Variants in PYCR3 observed in about 807,000 individuals in gnomAD.
PYCR3 encodes the protein pyrroline-5-carboxylate reductase 3.
A neutral mutation model predicts 23.4 loss-of-function variants in PYCR3; 26 were observed. That is an observed-to-expected ratio of 1.11 (90% CI 0.81 to 1.54). PYCR3 has a LOEUF of 1.54. Ranked by LOEUF, PYCR3 falls within the 40% of genes most tolerant of loss-of-function variation. PYCR3 has a pLI of 0.00. For missense variants in PYCR3, 360 were observed against 376.3 expected (o/e 0.96, Z 0.36); for synonymous variants, 194 against 162.6 (o/e 1.19, Z -1.47).
At chr8:143,606,400 C>CA in intron 4 of PYCR3, 67 bp downstream of exon 4, 1 of 1,541,568 alleles carries the variant, frequency 6.5e-7, no homozygotes, top group Non-Finnish European at 8.9e-7. Context: ...CAGAGGCTGT[C>CA]AGAGGGACTG....
chr8:143,607,158 C>A (rs759827040), intron 2 of PYCR3, 26 bp from the exon 3 acceptor site: 35 of 1,515,378 alleles, frequency 2.3e-5, no homozygotes, highest in Non-Finnish European at 3.0e-5. Context: ...CAGGACCAAG[C>A]CTCAGGGGCC....
intron 3 of PYCR3, 63 bp from the exon 4 acceptor site, chr8:143,606,742 G>A (rs575598693): frequency 4.7e-6 from 7 of 1,496,430 alleles, no homozygotes; most frequent in South Asian, 1.2e-5. Flanking sequence ...GCAGGCCCCA[G>A]CAGGGGCCTC....
Position 143,605,731 on chromosome 8 carries a change from G to A in PYCR3, c.794C>T (p.Thr265Ile), listed in dbSNP as rs35552090. The change falls in exon 6 of 6, where the codon ACC becomes ATC. Residue 265 changes from threonine to isoleucine, a missense_variant. By Grantham distance (89) the Thr-to-Ile change is moderately conservative. Coordinates refer to ENST00000495276, the MANE Select transcript of PYCR3 (RefSeq NM_023078.6). Reference sequence around the variant, plus strand: ...TCTGCTGAGCTCCTTGGCCCGGCAGGTGGCAGCCTCCACGGCGCTCATGGT... The same window carrying A: ...TCTGCTGAGCTCCTTGGCCCGGCAGATGGCAGCCTCCACGGCGCTCATGGT... ...AATMSAVEAA[T>I]CRAKELSRK 2.5e-5 allele frequency: 40 copies of A among 1,604,508 alleles called. No individual in the cohort carries two copies. The African/African-American group carries it at 3.5e-4, about 14-fold the overall frequency.
chr8:143,606,930 G>A, intron 3 of PYCR3, 23 bp downstream of exon 3: 4 of 1,572,982 alleles, frequency 2.5e-6, no homozygotes, highest in Non-Finnish European at 2.6e-6. Context: ...TGGGACCAAG[G>A]CCTTAGCCCA....
chr8:143,607,861 A>G (rs945178588), intron 2 of PYCR3, among the ~76,000 whole-genome samples: 12 of 152,180 alleles, frequency 7.9e-5, no homozygotes, highest in Non-Finnish European at 1.3e-4. Flanking sequence ...ACACACACAC[A>G]CAAACACTTT....
At position 143,603,434 on chromosome 8, in the gene PYCR3, G is replaced by A. The variant is rs888392453; in HGVS notation, c.*2266C>T. On this transcript the variant is annotated 3_prime_UTR_variant, in exon 6 of 6. Transcript: ENST00000495276. ...CTGGCTCACCACAACGCTCCCTGCC[G>A]TGCCGAGAACTGAGCCCGTGTCTTT... 8.5e-5 allele frequency among the ~76,000 whole-genome samples: 13 copies of A among 152,198 alleles called. No individual in the cohort carries two copies. The highest frequency in any genetic ancestry group is 2.4e-4 in the African/African-American group (10 of 41,444).
chr8:143,606,810 C>G, intron 3 of PYCR3, 131 bp from the exon 4 acceptor site: 1 of 1,331,810 alleles, frequency 7.5e-7, no homozygotes, highest in Non-Finnish European at 1.0e-6. Context: ...AGGTACAGCA[C>G]CAGGAGGGAA....
chr8:143,608,417 A>G lies in PYCR3; in HGVS notation c.92-291T>C, dbSNP rs1829459518. 6.4e-6 allele frequency: 3 copies of G among 466,210 alleles called. No individual in the cohort carries two copies. In the South Asian group the frequency reaches 7.3e-5, roughly 11 times the overall value. 28.9% of individuals were successfully genotyped at this position (466,210 alleles called of 1,614,324 possible). On this transcript the variant is annotated intron_variant, in intron 1 of 5. Coordinates refer to ENST00000495276, the MANE Select transcript of PYCR3 (RefSeq NM_023078.6). ...TGGGGCCTCTGCCTCCAGGGAAGGG[A>G]AGGCTGCCTGGAGCAGAAGAGGCAG... is the stretch of plus-strand genomic sequence containing the variant.
chr8:143,606,144 A>G lies in PYCR3; in HGVS notation c.560T>C (p.Phe187Ser), dbSNP rs762109002. The G allele has an allele frequency of 3.7e-6, 6 of 1,609,260 alleles. No homozygotes were observed. In the Admixed American group the frequency reaches 5.0e-5, roughly 14 times the overall value. ...GGCTCCTTCAGCCAGGGCCTCGGAG[A>G]ATGCACACACCTGTAGCCGCGGCAT... ...SGSGVAFVCA[F>S]SEALAEGAVK... is the part of the protein sequence containing the mutation. Residue 187 changes from phenylalanine to serine, a missense_variant, in exon 5 of 6, where the codon TTC becomes TCC. Physicochemically the swap from Phe to Ser is radical, Grantham distance 155. Transcript: ENST00000495276.
At chr8:143,608,320 GC>G in intron 1 of PYCR3, 194 bp from the exon 2 acceptor site, 1 of 590,150 alleles carries the variant, frequency 1.7e-6, no homozygotes, top group Non-Finnish European at 3.0e-6. Flanking sequence ...ATTCTACTTG[GC>G]GGTCAACGCC....
Position 143,609,498 on chromosome 8 carries a change from G to T in PYCR3, c.51C>A (p.Gly17=). The change falls in exon 1 of 6, where the codon GGC becomes GGA. Residue 17 remains glycine, a synonymous_variant. Coordinates refer to ENST00000495276, the MANE Select transcript of PYCR3 (RefSeq NM_023078.6). ...CCTGCGCGATGGCCCCCGCCATGCG[G>T]CCCGCGCCCACGAAGCCCACGCGCC... is the stretch of plus-strand genomic sequence containing the variant. ...SPRRVGFVGA[G]RMAGAIAQGL... The T allele has an allele frequency of 2.0e-6, 3 of 1,515,730 alleles. No individual in the cohort carries two copies. The highest frequency in any genetic ancestry group is 2.6e-6 in the Non-Finnish European group (3 of 1,139,752). The allele number at this position is 1,515,730 out of a possible 1,614,324, so 93.9% of individuals were successfully genotyped here.
intron 1 of PYCR3, 109 bp downstream of exon 1, chr8:143,609,349 G>A (rs1380857448): frequency 7.2e-6 from 9 of 1,242,894 alleles, no homozygotes; most frequent in South Asian, 1.7e-5. Flanking sequence ...CCAGCGGAGC[G>A]GAGACCCGGT....
chr8:143,606,322 G>A (rs370338695), intron 4 of PYCR3, 145 bp downstream of exon 4: 34 of 1,088,342 alleles, frequency 3.1e-5, no homozygotes, highest in African/African-American at 6.2e-5. Flanking sequence ...GTGAAGTCCC[G>A]GGGACAAGCA....
intron 1 of PYCR3, chr8:143,608,618 G>C (rs561214429): frequency 1.8e-5 from 6 of 328,052 alleles, no homozygotes; most frequent in South Asian, 1.4e-4. Context: ...TCGGGTACGG[G>C]GTGGAAAGAT....
At chr8:143,606,215 T>A in intron 4 of PYCR3, 61 bp from the exon 5 acceptor site, 1 of 1,479,670 alleles carries the variant, frequency 6.8e-7, no homozygotes, top group Non-Finnish European at 9.2e-7. Flanking sequence ...CTCAGGACCT[T>A]CAGGAACAAT....
chr8:143,608,847 A>T (rs1323756209), intron 1 of PYCR3: 2 of 456,530 alleles, frequency 4.4e-6, no homozygotes, highest in Non-Finnish European at 8.8e-6. Flanking sequence ...TTCCCGATTG[A>T]TCTTGACTCT....
chr8:143,608,350 T>C (rs1829458538), intron 1 of PYCR3: 1 of 572,938 alleles, frequency 1.7e-6, no homozygotes, highest in Admixed American at 3.2e-5. Context: ...CTGCTGGGTA[T>C]GGAGGCCAGG....
At position 143,607,202 on chromosome 8, in the gene PYCR3, T is replaced by G. The variant is rs1025337473; in HGVS notation, c.157-70A>C. 8.0e-6 allele frequency: 11 copies of G among 1,375,648 alleles called. No homozygotes were observed. The African/African-American group carries it at 1.5e-4, about 18-fold the overall frequency. The allele number at this position is 1,375,648 out of a possible 1,614,324, so 85.2% of individuals were successfully genotyped here. ...GGCGCACCCTCTCCATCACAGCCCT[T>G]CCTGCTGGATGCCACACGTTCCCAT... is the stretch of plus-strand genomic sequence containing the variant. On this transcript the variant is annotated intron_variant, in intron 2 of 5. Transcript: ENST00000495276.
intron 1 of PYCR3, chr8:143,608,829 T>A: frequency 2.2e-6 from 1 of 456,646 alleles, no homozygotes; most frequent in South Asian, 1.5e-5. Flanking sequence ...AGACTCATAG[T>A]AAGCTATTTC....
Sources: allele counts gnomAD v4.1 joint callset (sites outside exome capture counted in the v4.1 genomes callset), GRCh38; gene constraint gnomAD v4.1.1; transcripts MANE v1.5; gene names NCBI Gene and HGNC (gene_info 2026-07-23, HGNC 2026-07-21).